DCAF1: variants seen among roughly 807,000 people sequenced by gnomAD.
DCAF1 encodes the protein DDB1- and CUL4-associated factor 1.
In DCAF1, 15 loss-of-function variants were observed where a neutral mutation model predicts 128.0. The ratio of observed to expected loss-of-function variants is 0.12; its 90% CI spans 0.08 to 0.18. The LOEUF (loss-of-function observed/expected upper bound fraction) is 0.18. Ranked by LOEUF, DCAF1 falls within the 10% of genes least tolerant of loss-of-function variation. The pLI is 1.00. For missense variants in DCAF1, 988 were observed against 1,649.5 expected, an observed-to-expected ratio of 0.60 and a Z score of 6.95; for synonymous variants, 610 against 603.0, an observed-to-expected ratio of 1.01 and a Z score of -0.17.
intron 17 of DCAF1, 96 bp downstream of exon 17, chr3:51,418,020 T>C: frequency 6.8e-7 from 1 of 1,467,864 alleles, no homozygotes; most frequent in Non-Finnish European, 9.1e-7. Context: ...GACAGCATCC[T>C]CTTTCCCCAA....
chr3:51,441,714 C>T lies in DCAF1; in HGVS notation c.697G>A (p.Ala233Thr), dbSNP rs375190437. ...AAGGAGATCTCCATGTCTCCAGAAGCTTCCTCTTGGTCTCCATCCACTACA... is the reference window on the plus strand; with the variant it reads ...AAGGAGATCTCCATGTCTCCAGAAGTTTCCTCTTGGTCTCCATCCACTACA... ...VDVVDGDQEE[A>T]SGDMEISFHL... The change falls in exon 8 of 25, where the codon GCT (alanine) becomes ACT (threonine). Residue 233 changes from alanine (A) to threonine (T), a missense_variant. By Grantham distance (58) the Ala-to-Thr change is moderately conservative. Transcript: ENST00000684031. 2.5e-6 allele frequency: 4 copies of T among 1,613,866 alleles called. No individual in the cohort carries two copies. In the African/African-American group the frequency reaches 5.3e-5, roughly 22 times the overall value.
intron 23 of DCAF1, among the ~76,000 whole-genome samples, chr3:51,403,770 C>T (rs746417981): frequency 6.6e-5 from 10 of 152,176 alleles, no homozygotes; most frequent in Non-Finnish European, 1.2e-4. Context: ...ATCCTTTTAC[C>T]TGGAATCTAA....
upstream of DCAF1, among the ~76,000 whole-genome samples, chr3:51,504,877 G>T (rs1312372881): frequency 1.3e-5 from 2 of 152,080 alleles, no homozygotes; most frequent in Non-Finnish European, 2.9e-5. Flanking sequence ...ACTTAGGGAG[G>T]CTGAGGCAGG....
chr3:51,474,651 C>G (rs1367785015), intron 3 of DCAF1, among the ~76,000 whole-genome samples: 7 of 150,998 alleles, frequency 4.6e-5, no homozygotes, highest in Admixed American at 4.0e-4. Flanking sequence ...GTCTCACTGT[C>G]TCTCAGGCTG....
chr3:51,424,882 G>C (rs1699767489), intron 13 of DCAF1, among the ~76,000 whole-genome samples: 1 of 152,100 alleles, frequency 6.6e-6, no homozygotes, highest in Non-Finnish European at 1.5e-5. Flanking sequence ...GGTGACTCTG[G>C]GGAGGCAGAA....
At chr3:51,499,612 G>C (rs1188048699) in intron 1 of DCAF1, among the ~76,000 whole-genome samples, 3 of 151,656 alleles carry the variant, frequency 2.0e-5, no homozygotes, top group African/African-American at 7.3e-5. Flanking sequence ...GGGCGGAAGA[G>C]TTACTCTCGG....
chr3:51,400,976 C>A (rs1489543240), intron 24 of DCAF1, among the ~76,000 whole-genome samples: 3 of 151,794 alleles, frequency 2.0e-5, no homozygotes, highest in Admixed American at 2.0e-4. Context: ...ACTAAAAATA[C>A]AAAAAATTAG....
chr3:51,500,218 A>G (rs1190867835), upstream of DCAF1, among the ~76,000 whole-genome samples: 2 of 150,308 alleles, frequency 1.3e-5, no homozygotes, highest in African/African-American at 2.4e-5. Context: ...ACCAGTCCCA[A>G]TTGACGCATG....
intron 2 of DCAF1, among the ~76,000 whole-genome samples, chr3:51,495,362 T>C (rs1441144525): frequency 4.3e-5 from 6 of 138,208 alleles, no homozygotes; most frequent in African/African-American, 1.1e-4. Context: ...TAAAAAAATA[T>C]AAAGGCAAGG....
chr3:51,423,601 T>A (rs1361535528), intron 13 of DCAF1, among the ~76,000 whole-genome samples: 2 of 151,218 alleles, frequency 1.3e-5, no homozygotes, highest in Non-Finnish European at 2.9e-5. Flanking sequence ...GCGGATGACC[T>A]GAGGTCAGGA....
At chr3:51,428,331 CTTTT>C (rs35486639) in intron 12 of DCAF1, among the ~76,000 whole-genome samples, 8 of 110,510 alleles carry the variant, frequency 7.2e-5, no homozygotes, top group Admixed American at 6.7e-4. Flanking sequence ...CCACCATGCC[CTTTT>C]TTTTTTTTTT....
At position 51,459,642 on chromosome 3, in the gene DCAF1, G is replaced by A. The variant is rs1341635266; in HGVS notation, c.375+3472C>T. Reference sequence around the variant, plus strand: ...TAGACCAATATCCTTGATGAACATCGATGCAAAAATCCTCAATAAAATACT... The same window carrying A: ...TAGACCAATATCCTTGATGAACATCAATGCAAAAATCCTCAATAAAATACT... On this transcript the variant is annotated intron_variant, in intron 6 of 24. Transcript: ENST00000684031. Among the ~76,000 whole-genome samples, 34 of 152,198 alleles carry A rather than the reference G, an allele frequency of 2.2e-4. 1 individual carries two copies. Among genetic ancestry groups the A allele is most frequent in the Admixed American group, 1.4e-3 (22 of 15,276 alleles).
At chr3:51,472,771 T>C (rs1483429107) in intron 3 of DCAF1, among the ~76,000 whole-genome samples, 2 of 151,348 alleles carry the variant, frequency 1.3e-5, no homozygotes, top group Non-Finnish European at 2.9e-5. Flanking sequence ...TTCAAGCGAT[T>C]CTGCTGCCTC....
intron 6 of DCAF1, among the ~76,000 whole-genome samples, chr3:51,457,943 C>G (rs1286033771): frequency 6.6e-6 from 1 of 152,214 alleles, no homozygotes. Context: ...CAACCGGTAC[C>G]AGCCACTGCA....
chr3:51,496,667 C>T (rs1354080211), intron 2 of DCAF1, among the ~76,000 whole-genome samples, 67 bp downstream of exon 2: 1 of 151,794 alleles, frequency 6.6e-6, no homozygotes, highest in Non-Finnish European at 1.5e-5. Context: ...AGAGAGGTCC[C>T]CAAGACCAGC....
downstream of DCAF1, chr3:51,397,540 A>T (rs1186869658): frequency 6.0e-6 from 1 of 167,094 alleles, no homozygotes; most frequent in African/African-American, 2.4e-5. Context: ...AGTTCTACCA[A>T]ATCTGTACTT....
chr3:51,421,532 C>G (rs56175329), intron 14 of DCAF1, among the ~76,000 whole-genome samples: 1 of 152,024 alleles, frequency 6.6e-6, no homozygotes, highest in Non-Finnish European at 1.5e-5. Flanking sequence ...TTTGGGATTA[C>G]AGGTGTGAGC....
the DCAF1 span, among the ~76,000 whole-genome samples, chr3:51,505,461 G>A: frequency 6.6e-6 from 1 of 152,310 alleles, no homozygotes; most frequent in South Asian, 2.1e-4. Flanking sequence ...TACCCAGTTA[G>A]GCCTGGGAGC....
chr3:51,451,648 G>C (rs941421077), intron 6 of DCAF1, among the ~76,000 whole-genome samples: 1 of 151,796 alleles, frequency 6.6e-6, no homozygotes, highest in Non-Finnish European at 1.5e-5. Flanking sequence ...TGTAATCTCA[G>C]CTACACGGGA....
Sources: gnomAD v4.1 joint callset for allele counts (sites outside exome capture counted in the v4.1 genomes callset) on GRCh38, gnomAD v4.1.1 for gene constraint, MANE v1.5 for transcripts, NCBI Gene and HGNC (gene_info 2026-07-23, HGNC 2026-07-21) for gene names.